SGSH: variants seen among roughly 807,000 people sequenced by gnomAD.
SGSH encodes the protein heparan sulfate sulfatase.
SGSH carries 48 observed loss-of-function variants against 51.0 expected under a neutral mutation model. The observed-to-expected ratio is 0.94, with a 90% CI of 0.75 to 1.20. SGSH has a LOEUF of 1.20. SGSH is among the 50% of genes most tolerant of loss of function. SGSH has a pLI of 0.00. For synonymous variants in SGSH, 321 were observed against 313.4 expected, an observed-to-expected ratio of 1.02 and a Z score of -0.26; for missense variants, 662 against 717.8, an observed-to-expected ratio of 0.92 and a Z score of 0.89.
chr17:80,204,204 T>A, downstream of SGSH: 1 of 1,569,658 alleles, frequency 6.4e-7, no homozygotes, highest in South Asian at 1.2e-5. Flanking sequence ...CTCCTCCTCA[T>A]CCTTTCTCTG....
In SGSH at chr17:80,212,004, G is replaced by C; in HGVS notation, c.949+67C>G. 3 of 1,341,436 alleles carry C rather than the reference G, an allele frequency of 2.2e-6. No individual in the cohort carries two copies. The South Asian group carries it at 3.6e-5, about 16-fold the overall frequency. 83.1% of individuals were successfully genotyped at this position (1,341,436 alleles called of 1,614,324 possible). A position where few individuals can be genotyped will look rare whatever the true frequency, so the allele number is the denominator to read the frequency against. On this transcript the variant is annotated intron_variant, in intron 7 of 7. Transcript: ENST00000326317. This position sits in a 1 kb window ranked among gnomAD's most constrained non-coding sequence, Gnocchi z 5.9. The stretch of plus-strand genomic sequence containing the variant: ...AGGTAATGGGTGTGGAGCAGCATCT[G>C]ACAGGTCATGGCCCCGTCCCAGATC...
intron 3 of SGSH, 102 bp from the exon 4 acceptor site, chr17:80,214,867 G>A: frequency 6.9e-7 from 1 of 1,440,674 alleles, no homozygotes; most frequent in Non-Finnish European, 9.6e-7. Flanking sequence ...GGGTTCTCGT[G>A]GACACACAGC....
At chr17:80,214,558 C>T (rs1471246190) in intron 4 of SGSH, 57 bp downstream of exon 4, 9 of 1,565,738 alleles carry the variant, frequency 5.7e-6, no homozygotes, top group Middle Eastern at 1.7e-4. Flanking sequence ...CGGAAGACTC[C>T]GGGCTGTGCT....
rs1031683054 is a variant in SGSH at position 80,214,968 on chromosome 17, C to T, written c.355+65G>A. ...CGTGCCTTGGTACAAGGTGCCGAAC[C>T]TCCTGGGCTCTGGCCTGGCCTCTGT... On this transcript the variant is annotated intron_variant, in intron 3 of 7. Coordinates refer to ENST00000326317, the MANE Select transcript of SGSH (RefSeq NM_000199.5). 145 of 1,457,662 alleles carry T rather than the reference C, an allele frequency of 9.9e-5. No individual in the cohort carries two copies. The African/African-American group carries it at 1.9e-3, about 19-fold the overall frequency. 90.3% of individuals were successfully genotyped at this position (1,457,662 alleles called of 1,614,324 possible). A position where few individuals can be genotyped will look rare whatever the true frequency, so the allele number is the denominator to read the frequency against.
At chr17:80,219,235 G>A (rs9894326) in intron 1 of SGSH, among the ~76,000 whole-genome samples, 12,207 of 149,360 alleles carry the variant, frequency 0.082, 934 homozygotes, top group African/African-American at 0.2. Flanking sequence ...ACCCCCATCC[G>A]CTTGTCATGT....
In SGSH at chr17:80,217,059, G is replaced by A. The variant is rs768056322; in HGVS notation, c.222C>T (p.Arg74=). 1.1e-5 allele frequency: 18 copies of A among 1,589,772 alleles called. No individual in the cohort carries two copies. The highest frequency in any genetic ancestry group is 1.5e-5 in the Non-Finnish European group (18 of 1,170,528). ...FTSVSSCSPS[R]ASLLTGLPQH... The stretch of plus-strand genomic sequence containing the variant: ...GGGGCAGGCCAGTGAGGAGGCTGGC[G>A]CGGCTGGGAGAGCAGCTGCTGACCG... The change falls in exon 2 of 8, where the codon CGC becomes CGT. Residue 74 remains arginine (R), a synonymous_variant. Coordinates refer to ENST00000326317, the MANE Select transcript of SGSH (RefSeq NM_000199.5).
chr17:80,212,619 G>T lies in SGSH; in HGVS notation c.746-345C>A. 2.5e-6 allele frequency: 1 copy of T among 398,544 alleles called. No homozygotes were observed. The highest frequency in any genetic ancestry group is 4.8e-6 in the Non-Finnish European group (1 of 208,964). 24.7% of individuals were successfully genotyped at this position (398,544 alleles called of 1,614,324 possible). A position where few individuals can be genotyped will look rare whatever the true frequency, so the allele number is the denominator to read the frequency against. Reference sequence around the variant, plus strand: ...CATGGAGCAAATAGGGCAGGGGCCAGAGGACGAGGCTTCCTCTATACTCGC... The same window carrying T: ...CATGGAGCAAATAGGGCAGGGGCCATAGGACGAGGCTTCCTCTATACTCGC... On this transcript the variant is annotated intron_variant, in intron 6 of 7. Transcript: ENST00000326317. This position sits in a 1 kb window ranked among gnomAD's most constrained non-coding sequence, Gnocchi z 5.9.
rs368952369 is a variant in SGSH, at chr17:80,210,557, C to T, written c.1404G>A (p.Leu468=). Residue 468 remains leucine, a synonymous_variant, in exon 8 of 8, where the codon CTG becomes CTA. Coordinates refer to ENST00000326317, the MANE Select transcript of SGSH (RefSeq NM_000199.5). ...AQLLEMLRDQ[L]AKWQWETHDP... is the part of the protein sequence containing the mutation. ...CGTGGGTCTCCCACTGCCACTTGGC[C>T]AGCTGGTCCCGAAGCATCTCCAGAA... is the stretch of plus-strand genomic sequence containing the variant. 2.5e-6 allele frequency: 4 copies of T among 1,612,622 alleles called. No homozygotes were observed. In the African/African-American group the frequency reaches 4.0e-5, roughly 16 times the overall value.
chr17:80,214,975 G>GCTCTGGCCTGGC, intron 3 of SGSH, 58 bp downstream of exon 3: 2 of 1,479,908 alleles, frequency 1.4e-6, no homozygotes, highest in Non-Finnish European at 1.9e-6. Flanking sequence ...AACCTCCTGG[G>GCTCTGGCCTGGC]CTCTGGCCTG....
chr17:80,203,892 C>G (rs1487676786), downstream of SGSH: 3 of 1,591,666 alleles, frequency 1.9e-6, no homozygotes, highest in South Asian at 3.4e-5. This position sits in a 1 kb window ranked among gnomAD's most constrained non-coding sequence, Gnocchi z 4.6. Context: ...CAAGGTGAGG[C>G]TCCAGGGAGG....
Position 80,213,638 on chromosome 17 carries a change from G to A in SGSH, c.745+166C>T. 1 of 682,426 alleles carries A rather than the reference G, an allele frequency of 1.5e-6. No homozygotes were observed. Among genetic ancestry groups the A allele is most frequent in the East Asian group, 2.7e-5 (1 of 36,682 alleles). 42.3% of individuals were successfully genotyped at this position (682,426 alleles called of 1,614,324 possible). A position where few individuals can be genotyped will look rare whatever the true frequency, so the allele number is the denominator to read the frequency against. ...GGCAGCCCCGGGGTTGGGTCCTGAT[G>A]CCACCCACAGGCCCCTCCTCTCAAT... On this transcript the variant is annotated intron_variant, in intron 6 of 7. Transcript: ENST00000326317. This position sits in a 1 kb window ranked among gnomAD's most constrained non-coding sequence, Gnocchi z 4.6.
chr17:80,201,570 G>A, the SGSH span: 1 of 682,464 alleles, frequency 1.5e-6, no homozygotes, highest in Non-Finnish European at 2.6e-6. This position sits in a 1 kb window ranked among gnomAD's most constrained non-coding sequence, Gnocchi z 5.0. Context: ...CACTAGAGGT[G>A]TGAAGGCCCC....
chr17:80,215,067 CA>C lies in SGSH; in HGVS notation c.320del (p.Leu107ArgfsTer157). Reference protein sequence around the residue: ...HFNSFDKVRSLPLLLSQAGVR... With the variant: ...HFNSFDKVRSXPLLLSQAGVR... ...CACCAGCTTGGCTGAGCAGCAGCGG[CA>C]GGCTCCGCACCTTGTCGAAGGAGTT... On this transcript the variant is annotated frameshift_variant, in exon 3 of 8. Transcript: ENST00000326317. LOFTEE classifies it high-confidence loss of function. 1 of 1,612,068 alleles carries C rather than the reference CA, an allele frequency of 6.2e-7. No homozygotes were observed. Among genetic ancestry groups the C allele is most frequent in the Non-Finnish European group, 8.5e-7 (1 of 1,179,916 alleles).
downstream of SGSH, chr17:80,202,113 T>G: frequency 6.9e-7 from 1 of 1,439,642 alleles, no homozygotes; most frequent in Non-Finnish European, 9.6e-7. Context: ...TACTTTAATT[T>G]TCTGCAACCT....
Position 80,210,187 on chromosome 17 carries a change from G to T in SGSH, c.*265C>A. On this transcript the variant is annotated 3_prime_UTR_variant, in exon 8 of 8. Transcript: ENST00000326317. ...GTCTAGAATTCCCGTGCTGGGACATGGTTCAGACACAAGGACAACTGTGTC... is the reference window on the plus strand; with the variant it reads ...GTCTAGAATTCCCGTGCTGGGACATTGTTCAGACACAAGGACAACTGTGTC... 7.2e-7 allele frequency: 1 copy of T among 1,387,168 alleles called. No individual in the cohort carries two copies. The highest frequency in any genetic ancestry group is 1.7e-5 in the South Asian group (1 of 60,316). The allele number at this position is 1,387,168 out of a possible 1,614,324, so 85.9% of individuals were successfully genotyped here.
In SGSH at chr17:80,211,760, T is replaced by G. The variant is rs1229890065; in HGVS notation, c.949+311A>C. ...GACACCCTGGGATTTGCAATTTGGA[T>G]ATTAACAAGCATCCCAGGTGATTCT... On this transcript the variant is annotated intron_variant, in intron 7 of 7. Transcript: ENST00000326317. The G allele has an allele frequency of 1.8e-5, 8 of 444,766 alleles. No homozygotes were observed. In the East Asian group the frequency reaches 2.3e-4, roughly 13 times the overall value. The allele number at this position is 444,766 out of a possible 1,614,324, so 27.6% of individuals were successfully genotyped here. A position where few individuals can be genotyped will look rare whatever the true frequency, so the allele number is the denominator to read the frequency against.
At chr17:80,214,924 G>T in intron 3 of SGSH, 109 bp downstream of exon 3, 1 of 1,283,472 alleles carries the variant, frequency 7.8e-7, no homozygotes, top group Non-Finnish European at 1.1e-6. Flanking sequence ...AGAGCTAAGG[G>T]CAGGCCACGG....
At chr17:80,204,603 A>T (rs1192721136), downstream of SGSH, 1 of 386,280 alleles carries the variant, frequency 2.6e-6, no homozygotes, top group Non-Finnish European at 4.7e-6. Context: ...CAGCCTGGGC[A>T]ATAAGAGCAA....
chr17:80,217,000 C>A, intron 2 of SGSH, 32 bp downstream of exon 2: 1 of 1,525,190 alleles, frequency 6.6e-7, no homozygotes, highest in Non-Finnish European at 8.8e-7. Flanking sequence ...CTACTCCCTG[C>A]CCACCCCCTC....
Sources: gnomAD v4.1 joint callset for allele counts (sites outside exome capture counted in the v4.1 genomes callset) on GRCh38, gnomAD v4.1.1 for gene constraint, Gnocchi (gnomAD v3.1) non-coding constraint, MANE v1.5 for transcripts, NCBI Gene and HGNC (gene_info 2026-07-23, HGNC 2026-07-21) for gene names.